The following CHST9 variants were observed in gnomAD, a reference collection of about 807,000 sequenced individuals.
The protein encoded by CHST9 is GalNAc-4-sulfotransferase 2.
A neutral mutation model predicts 44.4 loss-of-function variants in CHST9; 41 were observed. That is an observed-to-expected ratio of 0.92 (90% confidence interval 0.72 to 1.20). The LOEUF (loss-of-function observed/expected upper bound fraction) is 1.20. CHST9 is among the 50% of genes most tolerant of loss of function. The pLI, the probability that CHST9 is intolerant of heterozygous loss-of-function variation, is 0.00. For missense variants in CHST9, 504 were observed against 516.5 expected (o/e 0.98, Z 0.23); for synonymous variants, 171 against 178.4 (o/e 0.96, Z 0.33).
At chr18:27,040,248 A>C (rs1444705249) in intron 3 of CHST9, among the ~76,000 whole-genome samples, 1 of 152,188 alleles carries the variant, frequency 6.6e-6, no homozygotes, top group Non-Finnish European at 1.5e-5. Flanking sequence ...GAAGAAAGCA[A>C]TGTTGGAAAG....
intron 4 of CHST9, among the ~76,000 whole-genome samples, chr18:26,983,013 A>T (rs933115318): frequency 6.6e-6 from 1 of 152,094 alleles, no homozygotes; most frequent in African/African-American, 2.4e-5. Flanking sequence ...GTGTGTGACC[A>T]TCTGTGTAAG....
chr18:27,178,696 A>G (rs1316660305), intron 1 of CHST9, among the ~76,000 whole-genome samples: 1 of 152,048 alleles, frequency 6.6e-6, no homozygotes, highest in Non-Finnish European at 1.5e-5. Context: ...TAGGATGTCA[A>G]GAGTGCACAG....
intron 1 of CHST9, among the ~76,000 whole-genome samples, chr18:27,179,164 G>A (rs1054095093): frequency 6.6e-6 from 1 of 151,236 alleles, no homozygotes; most frequent in Non-Finnish European, 1.5e-5. Context: ...AAGCAGTTAA[G>A]GCCTAAGACC....
At chr18:26,982,960 T>A (rs1370949593) in intron 4 of CHST9, among the ~76,000 whole-genome samples, 1 of 152,116 alleles carries the variant, frequency 6.6e-6, no homozygotes, top group African/African-American at 2.4e-5. Flanking sequence ...TACAAAGTGA[T>A]GTGACAAGAA....
chr18:27,092,408 T>G (rs994820160), intron 2 of CHST9, among the ~76,000 whole-genome samples: 14 of 151,402 alleles, frequency 9.2e-5, no homozygotes, highest in African/African-American at 3.2e-4. Context: ...CTGGATTCAT[T>G]GTTTTTTTTT....
intron 5 of CHST9, among the ~76,000 whole-genome samples, chr18:26,943,074 C>T (rs2056107236): frequency 6.6e-6 from 1 of 152,008 alleles, no homozygotes. Flanking sequence ...TGTCACTGCA[C>T]TCCAGCCTGG....
intron 4 of CHST9, among the ~76,000 whole-genome samples, chr18:26,948,401 AT>A (rs1227821102): frequency 3.3e-5 from 5 of 152,128 alleles, no homozygotes; most frequent in African/African-American, 4.8e-5. Context: ...TAAAAAAAAA[AT>A]ATCATACACA....
intron 5 of CHST9, among the ~76,000 whole-genome samples, chr18:26,920,950 T>TA (rs1161153839): frequency 1.3e-5 from 2 of 152,168 alleles, no homozygotes; most frequent in African/African-American, 4.8e-5. Flanking sequence ...TTCCAGGCCT[T>TA]ACTGCAGACA....
chr18:27,051,874 C>T (rs1174932647), intron 2 of CHST9, among the ~76,000 whole-genome samples: 2 of 152,252 alleles, frequency 1.3e-5, no homozygotes, highest in African/African-American at 4.8e-5. Context: ...ATGCTAATTG[C>T]AGGCATATCA....
intron 5 of CHST9, among the ~76,000 whole-genome samples, chr18:26,923,008 G>A (rs2055691121): frequency 6.6e-6 from 1 of 152,124 alleles, no homozygotes; most frequent in Non-Finnish European, 1.5e-5. Context: ...CCTCAACACT[G>A]ATATGAATTA....
chr18:27,078,253 A>G (rs1169630884), intron 2 of CHST9, among the ~76,000 whole-genome samples: 1 of 152,174 alleles, frequency 6.6e-6, no homozygotes, highest in African/African-American at 2.4e-5. Flanking sequence ...GCATGCTAAC[A>G]CATGAGTGAA....
At chr18:27,154,829 T>C (rs1257500783) in intron 1 of CHST9, among the ~76,000 whole-genome samples, 1 of 152,062 alleles carries the variant, frequency 6.6e-6, no homozygotes, top group Admixed American at 6.6e-5. Context: ...ATGCCTGTAA[T>C]CCCAGCACTT....
chr18:27,111,937 A>G (rs2058274211), intron 2 of CHST9, among the ~76,000 whole-genome samples: 1 of 152,068 alleles, frequency 6.6e-6, no homozygotes, highest in Non-Finnish European at 1.5e-5. Context: ...CAGCTCTCAG[A>G]CCTTCAAATT....
chr18:27,014,707 AT>A (rs1305086368), intron 4 of CHST9, among the ~76,000 whole-genome samples: 7 of 152,024 alleles, frequency 4.6e-5, no homozygotes, highest in Non-Finnish European at 8.8e-5. Context: ...TTGAACAGTG[AT>A]TGATTGAAAA....
intron 5 of CHST9, among the ~76,000 whole-genome samples, chr18:26,937,036 A>C (rs1211614355): frequency 6.6e-6 from 1 of 152,238 alleles, no homozygotes; most frequent in African/African-American, 2.4e-5. Context: ...AGAAACACAA[A>C]GAAAACATTT....
chr18:27,102,808 T>C (rs1420051920), intron 2 of CHST9, among the ~76,000 whole-genome samples: 3 of 152,202 alleles, frequency 2.0e-5, no homozygotes, highest in African/African-American at 7.2e-5. Context: ...GACTCAAAGC[T>C]ACATTGAGGG....
chr18:27,080,091 T>C (rs943739788), intron 2 of CHST9, among the ~76,000 whole-genome samples: 3 of 152,110 alleles, frequency 2.0e-5, no homozygotes, highest in Non-Finnish European at 4.4e-5. Flanking sequence ...GTCCAAGTTC[T>C]ATAGAGAGTT....
chr18:26,955,226 T>A (rs546471166), intron 4 of CHST9, among the ~76,000 whole-genome samples: 1 of 32,258 alleles, frequency 3.1e-5, no homozygotes, highest in East Asian at 1.4e-3. Flanking sequence ...AGAATTCTGT[T>A]TTTTTTTTTT....
intron 4 of CHST9, among the ~76,000 whole-genome samples, chr18:26,970,174 C>T (rs747633599): frequency 1.3e-5 from 2 of 152,308 alleles, no homozygotes; most frequent in South Asian, 2.1e-4. Flanking sequence ...CCCAGACTCA[C>T]CCTGCTGTGA....
Sources: gnomAD v4.1 joint callset for allele counts (sites outside exome capture counted in the v4.1 genomes callset) on GRCh38, gnomAD v4.1.1 for gene constraint, MANE v1.5 for transcripts, NCBI Gene and HGNC (gene_info 2026-07-23, HGNC 2026-07-21) for gene names.